Variants in STX8 observed in about 807,000 individuals in gnomAD.
STX8 encodes the protein syntaxin-8.
In STX8, 23 loss-of-function variants were observed where a neutral mutation model predicts 37.5. The ratio of observed to expected loss-of-function variants is 0.61; its 90% CI spans 0.44 to 0.87. The LOEUF is 0.87. STX8 is among the 40% of genes least tolerant of loss of function. STX8 has a pLI of 0.00. For synonymous variants in STX8, 115 were observed against 99.1 expected, an observed-to-expected ratio of 1.16 and a Z score of -0.95; for missense variants, 313 against 284.7, an observed-to-expected ratio of 1.10 and a Z score of -0.71.
intron 7 of STX8, among the ~76,000 whole-genome samples, chr17:9,300,289 C>A (rs567722888): frequency 7.4e-6 from 1 of 134,442 alleles, no homozygotes; most frequent in African/African-American, 2.7e-5. Context: ...CACGGTGGTG[C>A]CATTGCACTC....
At chr17:9,257,067 G>A (rs899385361) in intron 7 of STX8, among the ~76,000 whole-genome samples, 13 of 152,156 alleles carry the variant, frequency 8.5e-5, no homozygotes, top group African/African-American at 2.7e-4. Context: ...CCCTGGGCCC[G>A]CTGGCACCTG....
intron 6 of STX8, among the ~76,000 whole-genome samples, chr17:9,416,256 C>T (rs1477965842): frequency 2.0e-5 from 3 of 152,204 alleles, no homozygotes; most frequent in South Asian, 2.1e-4. Context: ...ATGATGACAT[C>T]GAGAGAAATG....
intron 6 of STX8, among the ~76,000 whole-genome samples, chr17:9,454,664 A>G (rs1176444933): frequency 1.2e-5 from 1 of 83,446 alleles, no homozygotes; most frequent in Non-Finnish European, 2.2e-5. Context: ...TGGGCGACAG[A>G]GCGAGACTGT....
chr17:9,384,196 A>T (rs1911914244), intron 6 of STX8, among the ~76,000 whole-genome samples: 2 of 146,592 alleles, frequency 1.4e-5, no homozygotes, highest in South Asian at 2.1e-4. Context: ...ATACTGGTTC[A>T]TTTTTTTTTC....
intron 6 of STX8, among the ~76,000 whole-genome samples, chr17:9,387,443 C>T (rs1029352467): frequency 1.2e-4 from 19 of 152,156 alleles, no homozygotes; most frequent in African/African-American, 2.7e-4. Flanking sequence ...TACAGGCGCC[C>T]GCCACCACAC....
At chr17:9,400,551 C>T (rs1420871202) in intron 6 of STX8, among the ~76,000 whole-genome samples, 2 of 151,972 alleles carry the variant, frequency 1.3e-5, no homozygotes, top group Non-Finnish European at 2.9e-5. Flanking sequence ...ATTACAGGCA[C>T]ACACCACCAC....
At chr17:9,458,999 C>T (rs113567176) in intron 6 of STX8, among the ~76,000 whole-genome samples, 4,571 of 151,556 alleles carry the variant, frequency 0.03, 230 homozygotes, top group African/African-American at 0.1. Context: ...CCGGCTAATG[C>T]TTTTTGTATT....
At chr17:9,400,507 C>T (rs577840052) in intron 6 of STX8, among the ~76,000 whole-genome samples, 2 of 151,898 alleles carry the variant, frequency 1.3e-5, no homozygotes, top group Admixed American at 6.6e-5. Context: ...CAGGTTCAAG[C>T]GATTCTCCTG....
chr17:9,469,820 A>G (rs1905772146), intron 6 of STX8: 1 of 152,232 alleles, frequency 6.6e-6, no homozygotes, highest in African/African-American at 2.4e-5. Context: ...GAGTGAATCC[A>G]GAAGCAGAGA....
intron 3 of STX8, among the ~76,000 whole-genome samples, chr17:9,546,615 TG>T (rs1906537768): frequency 6.9e-6 from 1 of 144,252 alleles, no homozygotes; most frequent in African/African-American, 2.6e-5. Flanking sequence ...TTTTTTTTTT[TG>T]GAGACGGAGC....
chr17:9,566,554 AGGTG>A (rs895731352), intron 2 of STX8, among the ~76,000 whole-genome samples: 1 of 152,280 alleles, frequency 6.6e-6, no homozygotes, highest in Non-Finnish European at 1.5e-5. Context: ...CGGGAGGCCG[AGGTG>A]GGTGGATCAC....
chr17:9,391,223 G>A (rs1912207893), intron 6 of STX8, among the ~76,000 whole-genome samples: 1 of 152,100 alleles, frequency 6.6e-6, no homozygotes, highest in Admixed American at 6.5e-5. Flanking sequence ...GGTGGTAGAG[G>A]CTGGTGGATC....
intron 6 of STX8, among the ~76,000 whole-genome samples, chr17:9,491,375 T>C (rs1906844857): frequency 6.6e-6 from 1 of 152,140 alleles, no homozygotes; most frequent in Non-Finnish European, 1.5e-5. Flanking sequence ...TGCAAATTCA[T>C]CTTTTTCCAA....
At chr17:9,482,895 C>A (rs1567580103) in intron 6 of STX8, among the ~76,000 whole-genome samples, 1 of 152,102 alleles carries the variant, frequency 6.6e-6, no homozygotes, top group Non-Finnish European at 1.5e-5. Context: ...GCCTGGGTAA[C>A]AAGAGCGAAA....
chr17:9,551,833 G>A (rs1027066247), intron 3 of STX8, among the ~76,000 whole-genome samples: 5 of 151,752 alleles, frequency 3.3e-5, no homozygotes, highest in Admixed American at 6.6e-5. Flanking sequence ...TTGTTCCCAC[G>A]ATACCAATGG....
chr17:9,555,119 C>T (rs1906915174), intron 3 of STX8: 1 of 152,034 alleles, frequency 6.6e-6, no homozygotes, highest in Non-Finnish European at 1.5e-5. Context: ...CTAAATTATC[C>T]ACATTAAGAC....
At chr17:9,447,619 C>T (rs1049550036) in intron 6 of STX8, among the ~76,000 whole-genome samples, 8 of 151,948 alleles carry the variant, frequency 5.3e-5, no homozygotes, top group South Asian at 2.1e-4. Context: ...GATGGGGTTT[C>T]ATCATGATGG....
In STX8 at chr17:9,362,096, T is replaced by C. The variant is rs141321892; in HGVS notation, c.643+16456A>G. The stretch of plus-strand genomic sequence containing the variant: ...CTGTAATCCCAGCACCTTGGGAGGC[T>C]GAAGTGGGCAGATCACTTGAGGTCA... On this transcript the variant is annotated intron_variant, in intron 7 of 7. Transcript: ENST00000306357. 1.8e-4 allele frequency among the ~76,000 whole-genome samples: 28 copies of C among 152,262 alleles called. 1 individual carries two copies. The East Asian group carries it at 4.8e-3, about 26-fold the overall frequency.
chr17:9,274,751 C>T (rs61155164), intron 7 of STX8, among the ~76,000 whole-genome samples: 32,468 of 78,024 alleles, frequency 0.42, 9,036 homozygotes, highest in Non-Finnish European at 0.51. Flanking sequence ...TTTCTTTTTT[C>T]TTTTTTTTTT....
Sources: allele counts gnomAD v4.1 joint callset (sites outside exome capture counted in the v4.1 genomes callset), GRCh38; gene constraint gnomAD v4.1.1; transcripts MANE v1.5; gene names NCBI Gene and HGNC (gene_info 2026-07-23, HGNC 2026-07-21).